The following FNIP1 variants were observed in gnomAD, a reference collection of about 807,000 sequenced individuals.
FNIP1 encodes the protein folliculin-interacting protein 1.
A neutral mutation model predicts 124.5 loss-of-function variants in FNIP1; 40 were observed. That is an observed-to-expected ratio of 0.32 (90% confidence interval 0.25 to 0.42). The LOEUF (loss-of-function observed/expected upper bound fraction) is 0.42, where lower values mean the gene tolerates loss of function less well. Among genes scored for constraint, FNIP1 ranks in the 10% least tolerant of loss-of-function variants. The probability of loss-of-function intolerance (pLI) is 1.00; values close to 1 mark genes in which losing one functional copy is unlikely to be tolerated. For synonymous variants in FNIP1, 472 were observed against 470.6 expected (o/e 1.00, Z -0.04); for missense variants, 1,176 against 1,403.7 (o/e 0.84, Z 2.59).
At chr5:131,662,733 ATTTTTTTTTTTTT>A (rs34051607) in intron 15 of FNIP1, among the ~76,000 whole-genome samples, 14 of 76,950 alleles carry the variant, frequency 1.8e-4, no homozygotes, top group African/African-American at 6.9e-4. Context: ...GATATTCTAG[ATTTTTTTTTTTTT>A]TTTTTTTTTT....
intron 1 of FNIP1, among the ~76,000 whole-genome samples, chr5:131,793,809 C>T (rs1466083269): frequency 6.6e-6 from 1 of 152,136 alleles, no homozygotes; most frequent in Non-Finnish European, 1.5e-5. Flanking sequence ...TGGCTAACTA[C>T]ACCCAAGCCT....
chr5:131,761,403 C>T (rs964092977), intron 1 of FNIP1, among the ~76,000 whole-genome samples: 2 of 152,136 alleles, frequency 1.3e-5, no homozygotes, highest in African/African-American at 4.8e-5. Flanking sequence ...ACTATCAGAA[C>T]TGGTAAATTC....
At chr5:131,741,875 T>G (rs973492032) in intron 2 of FNIP1, among the ~76,000 whole-genome samples, 1 of 152,188 alleles carries the variant, frequency 6.6e-6, no homozygotes, top group Non-Finnish European at 1.5e-5. Flanking sequence ...TACTCCTACT[T>G]GGCAATTTTC....
intron 1 of FNIP1, among the ~76,000 whole-genome samples, chr5:131,781,199 A>C (rs184643833): frequency 1.3e-5 from 2 of 152,362 alleles, no homozygotes; most frequent in East Asian, 3.9e-4. Context: ...GAGAAGTTTG[A>C]AAGTAGTATA....
At chr5:131,790,827 T>A (rs1772385034) in intron 1 of FNIP1, among the ~76,000 whole-genome samples, 1 of 152,172 alleles carries the variant, frequency 6.6e-6, no homozygotes. Flanking sequence ...TATAAGGGAC[T>A]ATATCAAGAA....
At position 131,679,009 on chromosome 5, in the gene FNIP1, T is replaced by G; in HGVS notation, c.1349+20A>C. 6.5e-7 allele frequency: 1 copy of G among 1,547,750 alleles called. No homozygotes were observed. Among genetic ancestry groups the G allele is most frequent in the Non-Finnish European group, 8.8e-7 (1 of 1,132,028 alleles). ...TTTGATTACAATCTAGATATCTAGTTATAATAAATAAATTCATACTGATTT... is the reference window on the plus strand; with the variant it reads ...TTTGATTACAATCTAGATATCTAGTGATAATAAATAAATTCATACTGATTT... On this transcript the variant is annotated intron_variant, in intron 12 of 17. Coordinates refer to ENST00000510461, the MANE Select transcript of FNIP1 (RefSeq NM_133372.3).
intron 11 of FNIP1, 40 bp downstream of exon 11, chr5:131,698,877 C>T (rs1410150925): frequency 6.6e-7 from 1 of 1,514,706 alleles, no homozygotes; most frequent in African/African-American, 1.4e-5. Context: ...CCTGTGTACA[C>T]TATGAATTAC....
intron 15 of FNIP1, among the ~76,000 whole-genome samples, chr5:131,667,786 C>T (rs1276510717): frequency 1.3e-5 from 2 of 152,192 alleles, no homozygotes; most frequent in African/African-American, 2.4e-5. Flanking sequence ...CAGGGTTTCA[C>T]CATGTTGGCC....
At chr5:131,686,834 C>G (rs922461384) in intron 11 of FNIP1, among the ~76,000 whole-genome samples, 2 of 151,770 alleles carry the variant, frequency 1.3e-5, no homozygotes, top group South Asian at 4.2e-4. Context: ...CAAAGTGCTG[C>G]GATTACAGGC....
chr5:131,794,267 T>C (rs1399726872), intron 1 of FNIP1, among the ~76,000 whole-genome samples: 2 of 148,168 alleles, frequency 1.3e-5, no homozygotes, highest in South Asian at 2.1e-4. Context: ...AAATTTCATA[T>C]TTTTTTTACA....
At chr5:131,647,614 C>G (rs1396073463) in intron 16 of FNIP1, among the ~76,000 whole-genome samples, 1 of 152,044 alleles carries the variant, frequency 6.6e-6, no homozygotes, top group Non-Finnish European at 1.5e-5. Context: ...GCTGGGACTA[C>G]AGCCATGCGC....
intron 1 of FNIP1, among the ~76,000 whole-genome samples, chr5:131,791,689 T>C (rs1772409684): frequency 6.6e-6 from 1 of 152,218 alleles, no homozygotes; most frequent in Admixed American, 6.5e-5. Context: ...AAAATTTACT[T>C]AAGCTGCCTA....
At chr5:131,762,014 G>A (rs1771247971) in intron 1 of FNIP1, among the ~76,000 whole-genome samples, 1 of 152,148 alleles carries the variant, frequency 6.6e-6, no homozygotes, top group Non-Finnish European at 1.5e-5. Context: ...AGAAAGGACA[G>A]TCTCTTAATA....
At chr5:131,712,895 T>G (rs1022071419) in intron 6 of FNIP1, among the ~76,000 whole-genome samples, 1 of 152,368 alleles carries the variant, frequency 6.6e-6, no homozygotes, top group Non-Finnish European at 1.5e-5. Flanking sequence ...ACTGCTCATC[T>G]AGGCCACCAA....
chr5:131,795,635 G>A (rs971861870), intron 1 of FNIP1: 2 of 152,116 alleles, frequency 1.3e-5, no homozygotes, highest in Non-Finnish European at 2.9e-5. Flanking sequence ...TTTTTCAGGG[G>A]AAAAGACAGA....
At position 131,692,277 on chromosome 5, in the gene FNIP1, T is replaced by A. The variant is rs575286379; in HGVS notation, c.1202+6640A>T. On this transcript the variant is annotated intron_variant, in intron 11 of 17. Transcript: ENST00000510461. ...AGCAATGAACAACTGAAATGTAAAA[T>A]TAAAAACAATACCATTTACATTAGG... is the stretch of plus-strand genomic sequence containing the variant. Among the ~76,000 whole-genome samples, 3 of 152,030 alleles carry A rather than the reference T, an allele frequency of 2.0e-5. No individual in the cohort carries two copies. The South Asian group carries it at 6.2e-4, about 32-fold the overall frequency.
At chr5:131,665,353 C>T (rs1767566168) in intron 15 of FNIP1, among the ~76,000 whole-genome samples, 1 of 151,866 alleles carries the variant, frequency 6.6e-6, no homozygotes. Context: ...CACATTTCAA[C>T]ATTTTGTATA....
chr5:131,684,670 G>GA (rs1768209969), intron 11 of FNIP1, among the ~76,000 whole-genome samples: 1 of 151,982 alleles, frequency 6.6e-6, no homozygotes, highest in Non-Finnish European at 1.5e-5. Context: ...TTAAAATTTT[G>GA]AAAAATAAAA....
intron 2 of FNIP1, among the ~76,000 whole-genome samples, chr5:131,743,784 C>A (rs901368321): frequency 1.3e-5 from 2 of 152,104 alleles, no homozygotes; most frequent in African/African-American, 4.8e-5. Context: ...CAGAAGACAG[C>A]CCTCACAAAA....
Sources: allele counts gnomAD v4.1 joint callset (sites outside exome capture counted in the v4.1 genomes callset), GRCh38; gene constraint gnomAD v4.1.1; transcripts MANE v1.5; gene names NCBI Gene and HGNC (gene_info 2026-07-23, HGNC 2026-07-21).